Variants in IFNA8 observed in about 807,000 individuals in gnomAD.
IFNA8 encodes the protein interferon alpha 8, also known as interferon alpha-8.
For synonymous variants in IFNA8, 91 were observed against 84.4 expected (o/e 1.08, Z -0.43); for missense variants, 246 against 212.3 (o/e 1.16, Z -0.99).
Position 21,410,132 on chromosome 9 carries a change from C to G in IFNA8, c.*386C>G, listed in dbSNP as rs1263585979. The stretch of plus-strand genomic sequence containing the variant: ...ACTATAGAAAAATTCTTTATTTATT[C>G]TTTAAAATTGAACTCCAACCCTGAT... On this transcript the variant is annotated 3_prime_UTR_variant, in exon 1 of 1. Coordinates refer to ENST00000380205, the MANE Select transcript of IFNA8 (RefSeq NM_002170.4). 5.5e-6 allele frequency: 1 copy of G among 181,570 alleles called. No individual in the cohort carries two copies. Among genetic ancestry groups the G allele is most frequent in the African/African-American group, 2.4e-5 (1 of 41,342 alleles). The allele number at this position is 181,570 out of a possible 1,614,324, so 11.2% of individuals were successfully genotyped here. A position where few individuals can be genotyped will look rare whatever the true frequency, so the allele number is the denominator to read the frequency against.
chr9:21,410,025 T>C lies in IFNA8; in HGVS notation c.*279T>C. The C allele has an allele frequency of 4.3e-6, 1 of 230,256 alleles. No individual in the cohort carries two copies. 14.3% of individuals were successfully genotyped at this position (230,256 alleles called of 1,614,324 possible). ...TTAAATTAGTTTTGTTCATATTATATTATGTGAACTTTTACATTGTGAATT... is the reference window on the plus strand; with the variant it reads ...TTAAATTAGTTTTGTTCATATTATACTATGTGAACTTTTACATTGTGAATT... On this transcript the variant is annotated 3_prime_UTR_variant, in exon 1 of 1. Coordinates refer to ENST00000380205, the MANE Select transcript of IFNA8 (RefSeq NM_002170.4).
the IFNA8 span, chr9:21,409,371 GT>G: frequency 1.9e-6 from 3 of 1,614,078 alleles, no homozygotes; most frequent in Non-Finnish European, 2.5e-6. Flanking sequence ...CCCAGGAGGA[GT>G]TTGATGATAA....
Position 21,409,140 on chromosome 9 carries a change from C to A in IFNA8, c.-37C>A. On this transcript the variant is annotated 5_prime_UTR_variant, in exon 1 of 1. Coordinates refer to ENST00000380205, the MANE Select transcript of IFNA8 (RefSeq NM_002170.4). Reference sequence around the variant, plus strand: ...TCAGAGACCCAGGTTAAGGGTCATCCATCTGAACCAGCTCAGCAGCATCCA... The same window carrying A: ...TCAGAGACCCAGGTTAAGGGTCATCAATCTGAACCAGCTCAGCAGCATCCA... The A allele has an allele frequency of 6.4e-7, 1 of 1,566,694 alleles. No individual in the cohort carries two copies. Among genetic ancestry groups the A allele is most frequent in the Non-Finnish European group, 8.8e-7 (1 of 1,140,148 alleles).
Position 21,409,157 on chromosome 9 carries a change from C to T in IFNA8, c.-20C>T. On this transcript the variant is annotated 5_prime_UTR_variant, in exon 1 of 1. Transcript: ENST00000380205. ...GGGTCATCCATCTGAACCAGCTCAG[C>T]AGCATCCACAACATCTACAATGGCC... 6.2e-7 allele frequency: 1 copy of T among 1,608,788 alleles called. No individual in the cohort carries two copies. Among genetic ancestry groups the T allele is most frequent in the South Asian group, 1.1e-5 (1 of 90,930 alleles).
At position 21,409,226 on chromosome 9, in the gene IFNA8, A is replaced by G. The variant is rs1281283994; in HGVS notation, c.50A>G (p.Lys17Arg). ...GTGGCCCTAGTGGTGCTCAGCTACA[A>G]GTCATTCAGCTCTCTGGGCTGTGAT... The part of the protein sequence containing the change: ...LLVALVVLSY[K>R]SFSSLGCDLP... Residue 17 changes from lysine (K) to arginine (R), a missense_variant, in exon 1 of 1, where the codon AAG becomes AGG. Transcript: ENST00000380205. 1 of 1,613,982 alleles carries G rather than the reference A, an allele frequency of 6.2e-7. No homozygotes were observed. The highest frequency in any genetic ancestry group is 8.5e-7 in the Non-Finnish European group (1 of 1,179,916).
In IFNA8 at chr9:21,409,846, T is replaced by A. The variant is rs1818022156; in HGVS notation, c.*100T>A. The A allele has an allele frequency of 9.3e-7, 1 of 1,072,238 alleles. No individual in the cohort carries two copies. Among genetic ancestry groups the A allele is most frequent in the Admixed American group, 2.2e-5 (1 of 45,622 alleles). The allele number at this position is 1,072,238 out of a possible 1,614,324, so 66.4% of individuals were successfully genotyped here. ...AAGACCCTTGTTTCTGCCAAAACCA[T>A]GCTATGAATTGAATCAAATGTGTCA... On this transcript the variant is annotated 3_prime_UTR_variant, in exon 1 of 1. Transcript: ENST00000380205.
Position 21,409,396 on chromosome 9 carries a change from G to T in IFNA8, c.220G>T (p.Ala74Ser), listed in dbSNP as rs776562303. The T allele has an allele frequency of 5.0e-5, 80 of 1,613,890 alleles. No homozygotes were observed. The highest frequency in any genetic ancestry group is 1.6e-4 in the Middle Eastern group (1 of 6,084). ...EEFDDKQFQK[A>S]QAISVLHEMI... ...GTTTGATGATAAACAGTTCCAGAAG[G>T]CTCAAGCCATCTCTGTCCTCCATGA... The change falls in exon 1 of 1, where the codon GCT (alanine) becomes TCT (serine). Residue 74 changes from alanine to serine, a missense_variant. Physicochemically the swap from Ala to Ser is moderately conservative, Grantham distance 99. Coordinates refer to ENST00000380205, the MANE Select transcript of IFNA8 (RefSeq NM_002170.4).
Position 21,409,444 on chromosome 9 carries a change from C to T in IFNA8, c.268C>T (p.Leu90Phe), listed in dbSNP as rs777825664. 3.7e-6 allele frequency: 6 copies of T among 1,613,970 alleles called. 1 individual carries two copies. In the African/African-American group the frequency reaches 8.0e-5, roughly 22 times the overall value. Residue 90 changes from leucine (L) to phenylalanine (F), a missense_variant, in exon 1 of 1, where the codon CTC (leucine) becomes TTC (phenylalanine). By Grantham distance (22) the Leu-to-Phe change is conservative. Coordinates refer to ENST00000380205, the MANE Select transcript of IFNA8 (RefSeq NM_002170.4). Reference sequence around the variant, plus strand: ...TGAGATGATCCAGCAGACCTTCAACCTCTTCAGCACAAAGGACTCATCTGC... The same window carrying T: ...TGAGATGATCCAGCAGACCTTCAACTTCTTCAGCACAAAGGACTCATCTGC... The part of the protein sequence containing the change: ...LHEMIQQTFN[L>F]FSTKDSSAAL...
Position 21,409,285 on chromosome 9 carries a change from G to T in IFNA8, c.109G>T (p.Ala37Ser), listed in dbSNP as rs768681975. 9.3e-6 allele frequency: 15 copies of T among 1,613,884 alleles called. No homozygotes were observed. The African/African-American group carries it at 1.5e-4, about 16-fold the overall frequency. ...GACTCACAGCCTGGGTAACAGGAGG[G>T]CCTTGATACTCCTGGCACAAATGCG... ...PQTHSLGNRR[A>S]LILLAQMRRI... The change falls in exon 1 of 1, where the codon GCC becomes TCC. Residue 37 changes from alanine (A) to serine (S), a missense_variant. Coordinates refer to ENST00000380205, the MANE Select transcript of IFNA8 (RefSeq NM_002170.4).
Position 21,409,910 on chromosome 9 carries a change from G to A in IFNA8, c.*164G>A. ...GTGTTAAGCAACATCCTGTTCAGCT[G>A]TATGGGCACTAGTCCCTTACAGATG... On this transcript the variant is annotated 3_prime_UTR_variant, in exon 1 of 1. Transcript: ENST00000380205. 2 of 601,906 alleles carry A rather than the reference G, an allele frequency of 3.3e-6. No homozygotes were observed. The highest frequency in any genetic ancestry group is 5.9e-6 in the Non-Finnish European group (2 of 336,684). The allele number at this position is 601,906 out of a possible 1,614,324, so 37.3% of individuals were successfully genotyped here. A position where few individuals can be genotyped will look rare whatever the true frequency, so the allele number is the denominator to read the frequency against.
chr9:21,409,184 T>C lies in IFNA8; in HGVS notation c.8T>C (p.Leu3Ser). Reference protein sequence around the residue: MALTFYLLVALVV... With the variant: MASTFYLLVALVV... ...GCATCCACAACATCTACAATGGCCT[T>C]GACTTTTTATTTACTGGTGGCCCTA... Residue 3 changes from leucine (L) to serine (S), a missense_variant, in exon 1 of 1, where the codon TTG becomes TCG. Transcript: ENST00000380205. 6.2e-7 allele frequency: 1 copy of C among 1,613,866 alleles called. No individual in the cohort carries two copies. The highest frequency in any genetic ancestry group is 8.5e-7 in the Non-Finnish European group (1 of 1,179,810).
Position 21,409,647 on chromosome 9 carries a change from G to C in IFNA8, c.471G>C (p.Lys157Asn). 6.2e-7 allele frequency: 1 copy of C among 1,613,950 alleles called. No homozygotes were observed. Among genetic ancestry groups the C allele is most frequent in the Non-Finnish European group, 8.5e-7 (1 of 1,179,850 alleles). Residue 157 changes from lysine to asparagine, a missense_variant, in exon 1 of 1, where the codon AAG becomes AAC. By Grantham distance (94) the Lys-to-Asn change is moderately conservative. Coordinates refer to ENST00000380205, the MANE Select transcript of IFNA8 (RefSeq NM_002170.4). The part of the protein sequence containing the change: ...FQRITLYLTE[K>N]KYSSCAWEVV... ...GAATCACTCTATATCTGACAGAGAA[G>C]AAATACAGCTCTTGTGCCTGGGAGG... is the stretch of plus-strand genomic sequence containing the variant.
chr9:21,409,368 G>A lies in IFNA8; in HGVS notation c.192G>A (p.Glu64=). The A allele has an allele frequency of 6.2e-7, 1 of 1,614,072 alleles. No homozygotes were observed. Among genetic ancestry groups the A allele is most frequent in the Non-Finnish European group, 8.5e-7 (1 of 1,179,988 alleles). ...KDRHDFEFPQ[E]EFDDKQFQKA... ...GACATGACTTTGAATTCCCCCAGGAGGAGTTTGATGATAAACAGTTCCAGA... is the reference window on the plus strand; with the variant it reads ...GACATGACTTTGAATTCCCCCAGGAAGAGTTTGATGATAAACAGTTCCAGA... The change falls in exon 1 of 1, where the codon GAG becomes GAA. Residue 64 remains glutamate, a synonymous_variant. Coordinates refer to ENST00000380205, the MANE Select transcript of IFNA8 (RefSeq NM_002170.4).
rs757915960 is a variant in IFNA8 at position 21,409,313 on chromosome 9, G to T, written c.137G>T (p.Arg46Ile). Residue 46 changes from arginine to isoleucine, a missense_variant, in exon 1 of 1, where the codon AGA (arginine) becomes ATA (isoleucine). Transcript: ENST00000380205. ...RALILLAQMR[R>I]ISPFSCLKDR... ...TTGATACTCCTGGCACAAATGCGAA[G>T]AATCTCTCCTTTCTCCTGCCTGAAG... is the stretch of plus-strand genomic sequence containing the variant. 2.8e-5 allele frequency: 45 copies of T among 1,613,950 alleles called. No individual in the cohort carries two copies. The highest frequency in any genetic ancestry group is 3.7e-5 in the Non-Finnish European group (44 of 1,179,968).
At position 21,409,303 on chromosome 9, in the gene IFNA8, C is replaced by G. The variant is rs1469853174; in HGVS notation, c.127C>G (p.Gln43Glu). ...GNRRALILLA[Q>E]MRRISPFSCL... ...CAGGAGGGCCTTGATACTCCTGGCACAAATGCGAAGAATCTCTCCTTTCTC... is the reference window on the plus strand; with the variant it reads ...CAGGAGGGCCTTGATACTCCTGGCAGAAATGCGAAGAATCTCTCCTTTCTC... The change falls in exon 1 of 1, where the codon CAA becomes GAA. Residue 43 changes from glutamine to glutamate, a missense_variant. Transcript: ENST00000380205. 1.9e-6 allele frequency: 3 copies of G among 1,614,054 alleles called. No individual in the cohort carries two copies. Among genetic ancestry groups the G allele is most frequent in the Non-Finnish European group, 2.5e-6 (3 of 1,179,950 alleles).
rs1563878165 is a variant in IFNA8, at chr9:21,409,701, C to G, written c.525C>G (p.Phe175Leu). 1.2e-6 allele frequency: 2 copies of G among 1,613,848 alleles called. No homozygotes were observed. The highest frequency in any genetic ancestry group is 1.7e-5 in the Admixed American group (1 of 60,022). Residue 175 changes from phenylalanine to leucine, a missense_variant, in exon 1 of 1, where the codon TTC becomes TTG. Transcript: ENST00000380205. ...EVVRAEIMRS[F>L]SLSINLQKRL... The stretch of plus-strand genomic sequence containing the variant: ...TCAGAGCAGAAATCATGAGATCCTT[C>G]TCTTTATCAATCAACTTGCAAAAAA...
chr9:21,409,242 G>C lies in IFNA8; in HGVS notation c.66G>C (p.Leu22=). 1.2e-6 allele frequency: 2 copies of C among 1,614,006 alleles called. No homozygotes were observed. Among genetic ancestry groups the C allele is most frequent in the Middle Eastern group, 1.7e-4 (1 of 6,060 alleles). The change falls in exon 1 of 1, where the codon CTG becomes CTC. Residue 22 remains leucine, a synonymous_variant. Coordinates refer to ENST00000380205, the MANE Select transcript of IFNA8 (RefSeq NM_002170.4). The stretch of plus-strand genomic sequence containing the variant: ...TCAGCTACAAGTCATTCAGCTCTCT[G>C]GGCTGTGATCTGCCTCAGACTCACA... The part of the protein sequence containing the change: ...VVLSYKSFSS[L]GCDLPQTHSL...
rs149749232 is a variant in IFNA8, at chr9:21,409,274, G to C, written c.98G>C (p.Gly33Ala). The change falls in exon 1 of 1, where the codon GGT (glycine) becomes GCT (alanine). Residue 33 changes from glycine to alanine, a missense_variant. Transcript: ENST00000380205. ...GATCTGCCTCAGACTCACAGCCTGG[G>C]TAACAGGAGGGCCTTGATACTCCTG... ...GCDLPQTHSL[G>A]NRRALILLAQ... 71 of 1,613,974 alleles carry C rather than the reference G, an allele frequency of 4.4e-5. No homozygotes were observed. In the African/African-American group the frequency reaches 7.9e-4, roughly 18 times the overall value.
chr9:21,409,318 T>G lies in IFNA8; in HGVS notation c.142T>G (p.Ser48Ala). The G allele has an allele frequency of 6.2e-7, 1 of 1,613,946 alleles. No homozygotes were observed. The highest frequency in any genetic ancestry group is 8.5e-7 in the Non-Finnish European group (1 of 1,179,940). Residue 48 changes from serine (S) to alanine (A), a missense_variant, in exon 1 of 1, where the codon TCT (serine) becomes GCT (alanine). Coordinates refer to ENST00000380205, the MANE Select transcript of IFNA8 (RefSeq NM_002170.4). ...LILLAQMRRI[S>A]PFSCLKDRHD... ...ACTCCTGGCACAAATGCGAAGAATC[T>G]CTCCTTTCTCCTGCCTGAAGGACAG...
Sources: gnomAD v4.1 joint callset for allele counts on GRCh38, gnomAD v4.1.1 for gene constraint, MANE v1.5 for transcripts, NCBI Gene and HGNC (gene_info 2026-07-23, HGNC 2026-07-21) for gene names.